The following MCTP1 variants were observed in gnomAD, a reference collection of about 807,000 sequenced individuals.
The protein encoded by MCTP1 is multiple C2 and transmembrane domain-containing protein 1.
MCTP1 carries 69 observed loss-of-function variants against 120.6 expected under a neutral mutation model. The observed-to-expected ratio is 0.57, with a 90% CI of 0.47 to 0.70. MCTP1 has a LOEUF of 0.70. MCTP1 is among the 30% of genes least tolerant of loss of function. MCTP1 has a pLI of 0.00. For missense variants in MCTP1, 1,203 were observed against 1,248.8 expected, an observed-to-expected ratio of 0.96 and a Z score of 0.55; for synonymous variants, 529 against 493.1, an observed-to-expected ratio of 1.07 and a Z score of -0.96.
intron 17 of MCTP1, among the ~76,000 whole-genome samples, chr5:94,813,688 C>T (rs923294967): frequency 7.2e-5 from 11 of 152,120 alleles, no homozygotes; most frequent in African/African-American, 2.4e-4. Context: ...GAGTTTAAGA[C>T]CAGCCTGGGC....
chr5:95,071,134 T>TTGTGAAGGCTAAC (rs1325611578), intron 1 of MCTP1, among the ~76,000 whole-genome samples: 2 of 152,186 alleles, frequency 1.3e-5, no homozygotes, highest in Admixed American at 6.5e-5. Flanking sequence ...CAGAGCATAC[T>TTGTGAAGGCTAAC]TGTGAAGGCT....
At position 94,841,236 on chromosome 5, in the gene MCTP1, A is replaced by G. The variant is rs115348444; in HGVS notation, c.2436+27097T>C. Among the ~76,000 whole-genome samples the G allele has an allele frequency of 8.7e-3, 1,330 of 152,328 alleles. 12 individuals carry two copies. The highest frequency in any genetic ancestry group is 0.031 in the African/African-American group (1,277 of 41,564). ...ACAGAAAGGTGCCACTGAAAATAAA[A>G]CAATGGTGTTGCCAAGAAAGTACTT... On this transcript the variant is annotated intron_variant, in intron 17 of 22. Coordinates refer to ENST00000515393, the MANE Select transcript of MCTP1 (RefSeq NM_024717.7).
At chr5:95,118,872 T>C (rs779253199) in intron 1 of MCTP1, among the ~76,000 whole-genome samples, 27 of 152,170 alleles carry the variant, frequency 1.8e-4, no homozygotes, top group Non-Finnish European at 3.4e-4. Flanking sequence ...CACTGCAGCA[T>C]CCTGACATAT....
In MCTP1 at chr5:95,284,452, G is replaced by GCCCGCC; in HGVS notation, c.118_123dup (p.Gly40_Gly41dup). 6.6e-7 allele frequency: 1 copy of GCCCGCC among 1,504,546 alleles called. No individual in the cohort carries two copies. The highest frequency in any genetic ancestry group is 8.8e-7 in the Non-Finnish European group (1 of 1,133,288). 93.2% of individuals were successfully genotyped at this position (1,504,546 alleles called of 1,614,324 possible). ...GTGCGGCGCTCTGGACCCCCAGCGC[G>GCCCGCC]CCCGCCCCCGCCGCCCTTGCTCCTG... On this transcript the variant is annotated inframe_insertion, in exon 1 of 23. Transcript: ENST00000515393. The surrounding 1 kb of genome is among the most constrained non-coding windows in gnomAD (Gnocchi z 5.2).
intron 17 of MCTP1, among the ~76,000 whole-genome samples, chr5:94,836,513 C>T (rs1789825066): frequency 1.3e-5 from 2 of 152,110 alleles, no homozygotes; most frequent in African/African-American, 4.8e-5. Flanking sequence ...TTCTAGTTAC[C>T]ATGGTGGCTG....
intron 16 of MCTP1, 40 bp from the exon 17 acceptor site, chr5:94,868,492 TA>T: frequency 3.3e-6 from 5 of 1,508,294 alleles, no homozygotes; most frequent in Non-Finnish European, 3.6e-6. Context: ...TTTGCAAGAC[TA>T]AAAACCATCA....
intron 17 of MCTP1, among the ~76,000 whole-genome samples, chr5:94,827,119 T>C (rs769171418): frequency 2.6e-5 from 4 of 152,148 alleles, no homozygotes; most frequent in African/African-American, 9.7e-5. Flanking sequence ...GTTTTTCCTT[T>C]CCATATTTAG....
intron 15 of MCTP1, 67 bp from the exon 16 acceptor site, chr5:94,870,558 G>T: frequency 1.7e-6 from 2 of 1,160,144 alleles, no homozygotes; most frequent in Non-Finnish European, 2.6e-6. Flanking sequence ...TTTTCACGCA[G>T]TTCAATTTGC....
intron 11 of MCTP1, among the ~76,000 whole-genome samples, 160 bp from the exon 12 acceptor site, chr5:94,889,132 T>C (rs1165281843): frequency 6.6e-6 from 1 of 152,156 alleles, no homozygotes; most frequent in Non-Finnish European, 1.5e-5. Flanking sequence ...TTCCTCTTGG[T>C]GAGTTTTGGA....
chr5:95,158,190 T>C (rs1204724359), intron 1 of MCTP1, among the ~76,000 whole-genome samples: 1 of 152,210 alleles, frequency 6.6e-6, no homozygotes. Context: ...TGTGACAATA[T>C]CTTGCTTTTT....
At chr5:95,054,932 C>T (rs1216449894) in intron 1 of MCTP1, among the ~76,000 whole-genome samples, 5 of 152,046 alleles carry the variant, frequency 3.3e-5, no homozygotes, top group African/African-American at 7.2e-5. Context: ...CTCAGCCTCC[C>T]GAGTAGCTGG....
chr5:95,184,981 G>A lies in MCTP1; in HGVS notation c.720+98875C>T, dbSNP rs562418016. On this transcript the variant is annotated intron_variant, in intron 1 of 22. Transcript: ENST00000515393. ...ATTATCTTTAAAAATTCTGATCCCC[G>A]AATGCTCAGGGAGACTGATTTGAGT... 2.6e-5 allele frequency among the ~76,000 whole-genome samples: 4 copies of A among 152,176 alleles called. No homozygotes were observed. In the South Asian group the frequency reaches 8.3e-4, roughly 32 times the overall value.
rs1745338526 is a variant in MCTP1 at position 95,158,233 on chromosome 5, C to T, written c.720+125623G>A. ...CATTCTTAAAATGGTAAACACATTC[C>T]ACTGGCATTTTTCATCATCACATAT... On this transcript the variant is annotated intron_variant, in intron 1 of 22. Transcript: ENST00000515393. 2.0e-5 allele frequency among the ~76,000 whole-genome samples: 3 copies of T among 152,128 alleles called. No individual in the cohort carries two copies. In the South Asian group the frequency reaches 6.2e-4, roughly 32 times the overall value.
intron 1 of MCTP1, among the ~76,000 whole-genome samples, chr5:95,266,103 T>C (rs1758860188): frequency 6.6e-6 from 1 of 152,182 alleles, no homozygotes; most frequent in Non-Finnish European, 1.5e-5. Context: ...ACAGCTTCCT[T>C]TTTATTTCTG....
At chr5:95,147,023 CA>C (rs1760451884) in intron 1 of MCTP1, among the ~76,000 whole-genome samples, 1 of 152,040 alleles carries the variant, frequency 6.6e-6, no homozygotes, top group South Asian at 2.1e-4. Flanking sequence ...TTTCATAGGT[CA>C]AAAAGAACTT....
chr5:95,154,996 G>A (rs1744944411), intron 1 of MCTP1, among the ~76,000 whole-genome samples: 1 of 152,066 alleles, frequency 6.6e-6, no homozygotes, highest in Non-Finnish European at 1.5e-5. Context: ...TATGCTGGTA[G>A]CTAATTATAA....
intron 1 of MCTP1, among the ~76,000 whole-genome samples, chr5:95,078,062 C>CCATCCATCCATCCATG (rs1375496100): frequency 6.6e-6 from 1 of 152,166 alleles, no homozygotes; most frequent in East Asian, 1.9e-4. Context: ...ATCCATCCAT[C>CCATCCATCCATCCATG]CATCTTGTTT....
chr5:94,775,662 C>T (rs563771206), intron 19 of MCTP1, among the ~76,000 whole-genome samples: 57 of 152,112 alleles, frequency 3.7e-4, no homozygotes, highest in Middle Eastern at 3.4e-3. Context: ...ATCTCCAGCA[C>T]GGCTTAACAT....
chr5:94,852,421 C>T (rs1001884093), intron 17 of MCTP1, among the ~76,000 whole-genome samples: 1 of 151,806 alleles, frequency 6.6e-6, no homozygotes, highest in African/African-American at 2.4e-5. Context: ...TAATTCTACC[C>T]ATAGCATAAT....
Sources: gnomAD v4.1 joint callset for allele counts (sites outside exome capture counted in the v4.1 genomes callset) on GRCh38, gnomAD v4.1.1 for gene constraint, Gnocchi (gnomAD v3.1) non-coding constraint, MANE v1.5 for transcripts, NCBI Gene and HGNC (gene_info 2026-07-23, HGNC 2026-07-21) for gene names.